The following HCCS variants were observed in gnomAD, a reference collection of about 807,000 sequenced individuals.
HCCS encodes holocytochrome c synthase.
In HCCS, 2 loss-of-function variants were observed where a neutral mutation model predicts 24.2. The observed-to-expected ratio is 0.08, with a 90% confidence interval of 0.03 to 0.26. HCCS has a LOEUF of 0.26. Ranked by LOEUF, HCCS falls within the 10% of genes least tolerant of loss-of-function variation. The pLI, the probability that HCCS is intolerant of heterozygous loss-of-function variation, is 1.00. For synonymous variants in HCCS, 73 were observed against 76.2 expected (o/e 0.96, Z 0.22); for missense variants, 150 against 213.3 (o/e 0.70, Z 1.85).
Position 11,114,990 on chromosome X carries a change from A to G in HCCS, c.252+4A>G. 1 of 1,204,057 alleles carries G rather than the reference A, an allele frequency of 8.3e-7. No homozygotes were observed. ...GAACCTAGATCCTTCAAATCTGGTAATCCACACTCATCTTTTCTTTCTGGA... is the reference window on the plus strand; with the variant it reads ...GAACCTAGATCCTTCAAATCTGGTAGTCCACACTCATCTTTTCTTTCTGGA... On this transcript the variant is annotated splice_donor_region_variant and intron_variant, in intron 3 of 6. Transcript: ENST00000380762.
chrX:11,120,685 A>C (rs1260836264), intron 5 of HCCS, among the ~76,000 whole-genome samples: 1 of 107,192 alleles, frequency 9.3e-6, no homozygotes, highest in Non-Finnish European at 1.9e-5. Flanking sequence ...TCCAGAAGGA[A>C]GGGGAGGCAA....
Position 11,112,106 on chromosome X carries a change from A to G in HCCS, c.46A>G (p.Asn16Asp), listed in dbSNP as rs779612482. The G allele has an allele frequency of 4.1e-5, 49 of 1,209,001 alleles. No homozygotes were observed. The Admixed American group carries it at 5.4e-4, about 13-fold the overall frequency. The change falls in exon 2 of 7, where the codon AAT becomes GAT. Residue 16 changes from asparagine to aspartate, a missense_variant. Around this residue, in one of 2 missense-constraint regions of HCCS, gnomAD observed 95 missense variants for 79.1 expected, o/e 1.20. Coordinates refer to ENST00000380762, the MANE Select transcript of HCCS (RefSeq NM_005333.5). ...SAPAVAVQAS[N>D]ASASPPSGCP... ...TCCTGCTGTTGCAGTTCAGGCCTCA[A>G]ATGCTTCAGCGTCCCCACCTTCAGG...
At position 11,114,916 on chromosome X, in the gene HCCS, A is replaced by G. The variant is rs978335655; in HGVS notation, c.182A>G (p.Tyr61Cys). The G allele has an allele frequency of 1.9e-5, 23 of 1,205,715 alleles. No homozygotes were observed. The highest frequency in any genetic ancestry group is 2.4e-5 in the Non-Finnish European group (21 of 889,803). Reference sequence around the variant, plus strand: ...GTGCCTGCCCACCAGGAACGCGCCTATGAGTACGTGGAGTGTCCCATTAGG... The same window carrying G: ...GTGCCTGCCCACCAGGAACGCGCCTGTGAGTACGTGGAGTGTCCCATTAGG... ...YSVPAHQERA[Y>C]EYVECPIRGT... The change falls in exon 3 of 7, where the codon TAT becomes TGT. Residue 61 changes from tyrosine to cysteine, a missense_variant. Tyr to Cys is a radical substitution (Grantham distance 194, BLOSUM62 -2). Transcript: ENST00000380762.
intron 3 of HCCS, among the ~76,000 whole-genome samples, chrX:11,116,467 G>A (rs2045448926): frequency 8.9e-6 from 1 of 112,793 alleles, no homozygotes; most frequent in Admixed American, 9.4e-5. Flanking sequence ...CCTTCCTGCT[G>A]TCGGTATTCT....
At chrX:11,120,694 A>G (rs2045485103) in intron 5 of HCCS, among the ~76,000 whole-genome samples, 1 of 107,973 alleles carries the variant, frequency 9.3e-6, no homozygotes, top group South Asian at 4.0e-4. Context: ...AAGGGGAGGC[A>G]ATGGAATGCA....
At chrX:11,114,156 A>G (rs944394127) in intron 2 of HCCS, among the ~76,000 whole-genome samples, 2 of 112,389 alleles carry the variant, frequency 1.8e-5, no homozygotes, top group African/African-American at 6.5e-5. Flanking sequence ...TTGATCCTGT[A>G]TGGGTTGTGG....
chrX:11,120,532 TTGTC>T (rs2045483827), intron 5 of HCCS, among the ~76,000 whole-genome samples: 1 of 111,968 alleles, frequency 8.9e-6, no homozygotes. Context: ...ATTTTCTTGT[TTGTC>T]TGAAAAACCC....
intron 2 of HCCS, among the ~76,000 whole-genome samples, chrX:11,113,105 AT>A (rs1349927929): frequency 1.8e-5 from 2 of 112,965 alleles, no homozygotes; most frequent in Non-Finnish European, 1.9e-5. Context: ...GCTGTCTTTC[AT>A]TTTTAATTCA....
chrX:11,118,695 C>A, intron 5 of HCCS, 75 bp downstream of exon 5: 2 of 1,049,890 alleles, frequency 1.9e-6, no homozygotes. Flanking sequence ...TTTTAACATT[C>A]AAATCATTTG....
chrX:11,112,600 ACT>A (rs2045418419), intron 2 of HCCS, among the ~76,000 whole-genome samples: 1 of 112,294 alleles, frequency 8.9e-6, no homozygotes, highest in African/African-American at 3.2e-5. Flanking sequence ...GAGGTTTGTG[ACT>A]CTAAACAAGT....
chrX:11,122,076 C>A lies in HCCS; in HGVS notation c.*266C>A, dbSNP rs2045496625. 1 of 313,071 alleles carries A rather than the reference C, an allele frequency of 3.2e-6. No individual in the cohort carries two copies. Among genetic ancestry groups the A allele is most frequent in the Non-Finnish European group, 5.6e-6 (1 of 179,829 alleles). 25.8% of individuals were successfully genotyped at this position (313,071 alleles called of 1,213,427 possible). On this transcript the variant is annotated 3_prime_UTR_variant, in exon 7 of 7. Transcript: ENST00000380762. ...GTTTTTCCTTTACCTGCAGTATTGT[C>A]TGTATATTTCATCTCGAAAAGCCTG...
rs1353641150 is a variant in HCCS, at chrX:11,123,073, A to C, written c.*1263A>C. 4 of 111,714 alleles carry C rather than the reference A, an allele frequency of 3.6e-5. No homozygotes were observed. The East Asian group carries it at 1.1e-3, about 31-fold the overall frequency. The allele number at this position is 111,714 out of a possible 1,213,427, so 9.2% of individuals were successfully genotyped here. A position where few individuals can be genotyped will look rare whatever the true frequency, so the allele number is the denominator to read the frequency against. On this transcript the variant is annotated 3_prime_UTR_variant, in exon 7 of 7. Transcript: ENST00000380762. Reference sequence around the variant, plus strand: ...ATTTTAAAATAAAGCTGATTAGTTCACAGGTTTTGAAAATTTTTTGGAATA... The same window carrying C: ...ATTTTAAAATAAAGCTGATTAGTTCCCAGGTTTTGAAAATTTTTTGGAATA...
chrX:11,115,023 A>G (rs1294819675), intron 3 of HCCS, 37 bp downstream of exon 3: 2 of 1,152,134 alleles, frequency 1.7e-6, no homozygotes, highest in Admixed American at 2.2e-5. Context: ...GGAGCTTTTT[A>G]TGCAGGGTTG....
At position 11,122,131 on chromosome X, in the gene HCCS, G is replaced by T; in HGVS notation, c.*321G>T. On this transcript the variant is annotated 3_prime_UTR_variant, in exon 7 of 7. Coordinates refer to ENST00000380762, the MANE Select transcript of HCCS (RefSeq NM_005333.5). ...ACCTCTGAAAAAGAGCTTTTAAAAA[G>T]TGATGAAAGTTGCTTTTTTTTCTTA... 1 of 226,184 alleles carries T rather than the reference G, an allele frequency of 4.4e-6. No individual in the cohort carries two copies. Among genetic ancestry groups the T allele is most frequent in the Non-Finnish European group, 7.9e-6 (1 of 125,973 alleles). 18.6% of individuals were successfully genotyped at this position (226,184 alleles called of 1,213,427 possible).
chrX:11,121,796 C>T lies in HCCS; in HGVS notation c.793C>T (p.Arg265Cys), dbSNP rs1301737544. 2 of 1,201,114 alleles carry T rather than the reference C, an allele frequency of 1.7e-6. No homozygotes were observed. The highest frequency in any genetic ancestry group is 1.1e-6 in the Non-Finnish European group (1 of 887,473). ...VWDRMKVAWWRWTS is the reference protein window; with the variant it reads ...VWDRMKVAWWCWTS ...GGACAGAATGAAAGTCGCTTGGTGG[C>T]GTTGGACCTCGTAAAGCACTGTTTC... Residue 265 changes from arginine to cysteine, a missense_variant, in exon 7 of 7, where the codon CGT becomes TGT. Physicochemically the swap from Arg to Cys is radical, Grantham distance 180 (BLOSUM62 -3). Transcript: ENST00000380762.
intron 6 of HCCS, among the ~76,000 whole-genome samples, 179 bp from the exon 7 acceptor site, chrX:11,121,433 A>G (rs2045490911): frequency 8.9e-6 from 1 of 112,439 alleles, no homozygotes. Context: ...GACTTATCAC[A>G]GTTCTTCAGT....
At chrX:11,112,528 G>GCTGA (rs2045417530) in intron 2 of HCCS, among the ~76,000 whole-genome samples, 1 of 112,180 alleles carries the variant, frequency 8.9e-6, no homozygotes, top group Non-Finnish European at 1.9e-5. Flanking sequence ...GTAGTATGCT[G>GCTGA]CTGAGGCTGG....
chrX:11,117,961 G>C (rs2045461369), intron 4 of HCCS, among the ~76,000 whole-genome samples: 1 of 111,649 alleles, frequency 9.0e-6, no homozygotes, highest in African/African-American at 3.3e-5. Flanking sequence ...GGGGAGGGCA[G>C]TCTGCTTCAC....
At chrX:11,118,245 A>G (rs756270010) in intron 4 of HCCS, 50 of 394,863 alleles carry the variant, frequency 1.3e-4, no homozygotes, top group Non-Finnish European at 2.2e-4. Flanking sequence ...ACTGTGACTC[A>G]GTAAAATGAG....
Sources: gnomAD v4.1 joint callset for allele counts (sites outside exome capture counted in the v4.1 genomes callset) on GRCh38, gnomAD v4.1.1 for gene constraint, gnomAD v4.1.1 regional missense constraint, MANE v1.5 for transcripts, NCBI Gene and HGNC (gene_info 2026-07-23, HGNC 2026-07-21) for gene names.